Variants in KCNIP4 observed in about 807,000 individuals in gnomAD.
KCNIP4 encodes the protein potassium voltage-gated channel interacting protein 4.
In KCNIP4, 12 loss-of-function variants were observed where a neutral mutation model predicts 34.0. The ratio of observed to expected loss-of-function variants is 0.35; its 90% CI spans 0.23 to 0.57. The LOEUF (loss-of-function observed/expected upper bound fraction) is 0.57. Among genes scored for constraint, KCNIP4 ranks in the 20% least tolerant of loss-of-function variants. KCNIP4 has a pLI of 0.83. For synonymous variants in KCNIP4, 124 were observed against 102.2 expected (o/e 1.21, Z -1.29); for missense variants, 238 against 311.7 (o/e 0.76, Z 1.78).
intron 1 of KCNIP4, among the ~76,000 whole-genome samples, chr4:21,098,539 A>G (rs1044435130): frequency 1.3e-5 from 2 of 152,144 alleles, no homozygotes; most frequent in African/African-American, 4.8e-5. Context: ...CCTGTTTCCC[A>G]TAGGTGCAAC....
chr4:20,874,473 A>G (rs1169980045), intron 2 of KCNIP4, among the ~76,000 whole-genome samples: 3 of 152,198 alleles, frequency 2.0e-5, no homozygotes, highest in Non-Finnish European at 4.4e-5. Flanking sequence ...ATAGTGTTCC[A>G]TAAATGTCTG....
At chr4:21,810,647 G>A (rs1010618405) in intron 1 of KCNIP4, among the ~76,000 whole-genome samples, 7 of 137,666 alleles carry the variant, frequency 5.1e-5, no homozygotes, top group African/African-American at 1.4e-4. Context: ...CCGAGATCGC[G>A]CCACTGCACT....
chr4:21,916,867 C>T (rs563146809), intron 1 of KCNIP4, among the ~76,000 whole-genome samples: 1 of 152,298 alleles, frequency 6.6e-6, no homozygotes, highest in South Asian at 2.1e-4. Flanking sequence ...CTGTTTCATC[C>T]TCTGAGTCAA....
intron 1 of KCNIP4, among the ~76,000 whole-genome samples, chr4:21,888,724 C>T (rs1726925578): frequency 6.6e-6 from 1 of 152,204 alleles, no homozygotes; most frequent in South Asian, 2.1e-4. Flanking sequence ...TGAAGGGCTT[C>T]TGCTCCTGCT....
chr4:21,591,089 A>C (rs1742180808), intron 1 of KCNIP4, among the ~76,000 whole-genome samples: 1 of 152,032 alleles, frequency 6.6e-6, no homozygotes. Context: ...GACAATATTT[A>C]ACAAAGAAAA....
At chr4:20,837,819 C>T (rs1460797131) in intron 3 of KCNIP4, among the ~76,000 whole-genome samples, 3 of 150,944 alleles carry the variant, frequency 2.0e-5, no homozygotes, top group Non-Finnish European at 2.9e-5. Flanking sequence ...GTAGCTGGGA[C>T]TACAGGCATA....
intron 3 of KCNIP4, among the ~76,000 whole-genome samples, chr4:20,837,682 A>ATTTTTT (rs575948773): frequency 9.1e-6 from 1 of 109,716 alleles, no homozygotes; most frequent in African/African-American, 4.2e-5. Flanking sequence ...ATATATATAT[A>ATTTTTT]TATATTTTTT....
chr4:21,756,138 C>T (rs1407814200), intron 1 of KCNIP4, among the ~76,000 whole-genome samples: 1 of 152,054 alleles, frequency 6.6e-6, no homozygotes, highest in African/African-American at 2.4e-5. Context: ...TTTTTCTTTC[C>T]CAATTCCTAA....
chr4:21,175,907 C>G (rs568320685), intron 1 of KCNIP4, among the ~76,000 whole-genome samples: 1 of 152,186 alleles, frequency 6.6e-6, no homozygotes, highest in East Asian at 1.9e-4. Context: ...CCTCTACCGT[C>G]TTCCAGTACT....
At chr4:21,739,829 G>A (rs1206098340) in intron 1 of KCNIP4, among the ~76,000 whole-genome samples, 1 of 151,988 alleles carries the variant, frequency 6.6e-6, no homozygotes, top group African/African-American at 2.4e-5. Flanking sequence ...CTACTATTAT[G>A]CAAAAGAAGA....
chr4:21,061,827 A>G (rs1336338170), intron 1 of KCNIP4, among the ~76,000 whole-genome samples: 2 of 152,148 alleles, frequency 1.3e-5, no homozygotes, highest in Non-Finnish European at 2.9e-5. Flanking sequence ...AAGTTAAAAT[A>G]GAGTCTTTAG....
At chr4:21,611,334 G>A (rs1475189803) in intron 1 of KCNIP4, among the ~76,000 whole-genome samples, 1 of 152,104 alleles carries the variant, frequency 6.6e-6, no homozygotes, top group African/African-American at 2.4e-5. Flanking sequence ...AGAAGAAGAG[G>A]AGTGAAGGGA....
intron 1 of KCNIP4, among the ~76,000 whole-genome samples, chr4:21,858,920 A>G (rs1224853508): frequency 6.6e-6 from 1 of 152,196 alleles, no homozygotes. Flanking sequence ...TTAGGCTCCA[A>G]ATTTAGAAAA....
chr4:21,762,243 A>C (rs888529679), intron 1 of KCNIP4, among the ~76,000 whole-genome samples: 1 of 152,164 alleles, frequency 6.6e-6, no homozygotes, highest in Non-Finnish European at 1.5e-5. Context: ...ATATTATTTC[A>C]ACATGCAATC....
intron 1 of KCNIP4, among the ~76,000 whole-genome samples, chr4:21,364,851 T>C (rs1719576738): frequency 6.6e-6 from 1 of 152,154 alleles, no homozygotes; most frequent in Non-Finnish European, 1.5e-5. Flanking sequence ...GAGGCAACTA[T>C]CTTAGAAGAA....
chr4:21,455,624 G>GA (rs1193044315), intron 1 of KCNIP4, among the ~76,000 whole-genome samples: 1 of 127,406 alleles, frequency 7.8e-6, no homozygotes, highest in Non-Finnish European at 1.8e-5. Context: ...AGAAACTGAA[G>GA]GTTTTTTTTT....
rs1182208132 is a variant in KCNIP4 at position 21,234,365 on chromosome 4, A to AAATT, written c.62-351657_62-351656insAATT. Among the ~76,000 whole-genome samples the AAATT allele has an allele frequency of 8.8e-4, 108 of 122,340 alleles. 32 individuals are homozygous for AAATT. Among genetic ancestry groups the AAATT allele is most frequent in the Middle Eastern group, 6.3e-3 (1 of 160 alleles). 80.3% of individuals were successfully genotyped at this position (122,340 alleles called of 152,430 possible). On this transcript the variant is annotated intron_variant, in intron 1 of 8. Coordinates refer to ENST00000382152, the MANE Select transcript of KCNIP4 (RefSeq NM_025221.6). ...AACATACATTATATATAACATATAT[A>AAATT]ATATATAACATACATCATACATAAC...
At chr4:21,419,945 C>G (rs1012572192) in intron 1 of KCNIP4, among the ~76,000 whole-genome samples, 2 of 152,128 alleles carry the variant, frequency 1.3e-5, no homozygotes, top group Non-Finnish European at 2.9e-5. Context: ...TGAATTTGCA[C>G]AGGGGTCATT....
intron 1 of KCNIP4, among the ~76,000 whole-genome samples, chr4:20,989,257 G>GT (rs1386115320): frequency 6.6e-6 from 1 of 152,052 alleles, no homozygotes; most frequent in African/African-American, 2.4e-5. Flanking sequence ...AACAGAGAAA[G>GT]TTTTTTTCAC....
Sources: allele counts gnomAD v4.1 joint callset (sites outside exome capture counted in the v4.1 genomes callset), GRCh38; gene constraint gnomAD v4.1.1; transcripts MANE v1.5; gene names NCBI Gene and HGNC (gene_info 2026-07-23, HGNC 2026-07-21).